The following PARD3 variants were observed in gnomAD, a reference collection of about 807,000 sequenced individuals.
The protein encoded by PARD3 is par-3 family cell polarity regulator.
PARD3 carries 75 observed loss-of-function variants against 155.4 expected under a neutral mutation model. The observed-to-expected ratio is 0.48, with a 90% CI of 0.40 to 0.58. PARD3 has a LOEUF of 0.58. Ranked by LOEUF, PARD3 falls within the 20% of genes least tolerant of loss-of-function variation. The pLI, the probability that PARD3 is intolerant of heterozygous loss-of-function variation, is 0.00. For missense variants in PARD3, 1,642 were observed against 1,721.7 expected, an observed-to-expected ratio of 0.95 and a Z score of 0.82; for synonymous variants, 576 against 610.5, an observed-to-expected ratio of 0.94 and a Z score of 0.83.
chr10:34,630,379 T>C (rs537856442), intron 2 of PARD3, among the ~76,000 whole-genome samples: 3 of 151,840 alleles, frequency 2.0e-5, no homozygotes, highest in East Asian at 3.9e-4. Flanking sequence ...CAAACACCCA[T>C]GACCAACTAT....
chr10:34,314,587 T>G (rs1000366181), intron 20 of PARD3, among the ~76,000 whole-genome samples: 2 of 152,164 alleles, frequency 1.3e-5, no homozygotes, highest in African/African-American at 4.8e-5. Flanking sequence ...GTTGCTCTGC[T>G]GGGAGAAGAA....
intron 22 of PARD3, among the ~76,000 whole-genome samples, chr10:34,195,175 C>T (rs888947148): frequency 2.0e-5 from 3 of 152,170 alleles, no homozygotes; most frequent in African/African-American, 4.8e-5. Flanking sequence ...ACAATTAATC[C>T]AATGTTTATG....
At chr10:34,472,996 C>G (rs999870738) in intron 3 of PARD3, among the ~76,000 whole-genome samples, 7 of 152,002 alleles carry the variant, frequency 4.6e-5, no homozygotes, top group Admixed American at 2.0e-4. Flanking sequence ...CTGTAGCTCT[C>G]GAAATAAAAT....
At chr10:34,391,282 C>T (rs1345328512) in intron 7 of PARD3, among the ~76,000 whole-genome samples, 1 of 151,658 alleles carries the variant, frequency 6.6e-6, no homozygotes, top group Non-Finnish European at 1.5e-5. Flanking sequence ...CACATAGAGA[C>T]ACAGTGTACT....
At chr10:34,303,091 G>A (rs1457718944) in intron 20 of PARD3, among the ~76,000 whole-genome samples, 1 of 148,676 alleles carries the variant, frequency 6.7e-6, no homozygotes, top group Admixed American at 6.7e-5. Context: ...AAATCCACCT[G>A]CCCATCATTA....
At chr10:34,494,841 C>T (rs548663166) in intron 3 of PARD3, among the ~76,000 whole-genome samples, 2 of 152,266 alleles carry the variant, frequency 1.3e-5, no homozygotes, top group East Asian at 3.9e-4. Context: ...CTGCATCACA[C>T]TTCACAGATC....
chr10:34,389,310 G>T (rs12262940), intron 7 of PARD3, among the ~76,000 whole-genome samples: 2,195 of 144,316 alleles, frequency 0.015, 58 homozygotes, highest in African/African-American at 0.054. Flanking sequence ...TTGAAATGCT[G>T]CTTCTTTGTA....
At chr10:34,154,950 A>C (rs1403500324) in intron 22 of PARD3, among the ~76,000 whole-genome samples, 4 of 152,240 alleles carry the variant, frequency 2.6e-5, no homozygotes, top group Admixed American at 2.0e-4. Flanking sequence ...ATTGTTGAGA[A>C]TACAGAGGTG....
chr10:34,511,482 A>C (rs1297564429), intron 3 of PARD3, among the ~76,000 whole-genome samples: 1 of 152,146 alleles, frequency 6.6e-6, no homozygotes, highest in Non-Finnish European at 1.5e-5. Flanking sequence ...TCTGGAGAGG[A>C]CCTTCTTACT....
In PARD3 at chr10:34,317,191, T is replaced by C; in HGVS notation, c.2981A>G (p.Lys994Arg). 6.2e-7 allele frequency: 1 copy of C among 1,612,672 alleles called. No homozygotes were observed. The highest frequency in any genetic ancestry group is 8.5e-7 in the Non-Finnish European group (1 of 1,179,350). Residue 994 changes from lysine to arginine, a missense_variant, in exon 20 of 25, where the codon AAA becomes AGA. Physicochemically the swap from Lys to Arg is conservative, Grantham distance 26. Coordinates refer to ENST00000374788, the MANE Select transcript of PARD3 (RefSeq NM_001184785.2). ...CTTATCTCTATCTTTCTTCTTTTCT[T>C]TTCCAGTTTTATCCTTTTTTCTATC... Reference protein sequence around the residue: ...KTDRKKDKTGKEKKKDRDKEK... With the variant: ...KTDRKKDKTGREKKKDRDKEK...
At chr10:34,236,843 T>A (rs919331657) in intron 22 of PARD3, among the ~76,000 whole-genome samples, 5 of 152,152 alleles carry the variant, frequency 3.3e-5, no homozygotes, top group Admixed American at 3.3e-4. Flanking sequence ...ATCAAGGGAG[T>A]GCAGGGGGAG....
Position 34,696,305 on chromosome 10 carries a change from G to A in PARD3, c.222+13C>T, listed in dbSNP as rs769325369. ...AATGCATTCAGAACAGGTTCCCCAG[G>A]ACCTGAACTCACTCTGTCTTTATCG... On this transcript the variant is annotated intron_variant, in intron 2 of 24. Transcript: ENST00000374788. 99 of 1,519,980 alleles carry A rather than the reference G, an allele frequency of 6.5e-5. No individual in the cohort carries two copies. Among genetic ancestry groups the A allele is most frequent in the Non-Finnish European group, 8.1e-5 (89 of 1,096,930 alleles). The allele number at this position is 1,519,980 out of a possible 1,614,324, so 94.2% of individuals were successfully genotyped here. A position where few individuals can be genotyped will look rare whatever the true frequency, so the allele number is the denominator to read the frequency against.
chr10:34,403,324 C>T (rs1844099981), intron 5 of PARD3, among the ~76,000 whole-genome samples: 1 of 152,010 alleles, frequency 6.6e-6, no homozygotes. Flanking sequence ...TTTACCAAGC[C>T]ATCTATATTA....
intron 2 of PARD3, among the ~76,000 whole-genome samples, chr10:34,532,868 A>G (rs1375867223): frequency 2.0e-5 from 3 of 152,202 alleles, no homozygotes; most frequent in African/African-American, 7.2e-5. Flanking sequence ...ACTTAACAAC[A>G]GGGATACATT....
chr10:34,414,837 T>G (rs181644981), intron 5 of PARD3, among the ~76,000 whole-genome samples: 1 of 151,274 alleles, frequency 6.6e-6, no homozygotes, highest in Non-Finnish European at 1.5e-5. Context: ...ATAAAAAAAA[T>G]TAAAAAGCAA....
intron 1 of PARD3, among the ~76,000 whole-genome samples, chr10:34,701,506 C>A (rs2094278767): frequency 6.6e-6 from 1 of 152,166 alleles, no homozygotes; most frequent in Non-Finnish European, 1.5e-5. Context: ...CCCAAGGTAA[C>A]TGTGGGGAAA....
intron 22 of PARD3, among the ~76,000 whole-genome samples, chr10:34,247,270 G>T (rs1954015229): frequency 6.6e-6 from 1 of 152,208 alleles, no homozygotes; most frequent in Non-Finnish European, 1.5e-5. Context: ...GGGAGGCCAA[G>T]GTGGGTGGAT....
chr10:34,557,132 A>C (rs1247521136), intron 2 of PARD3, among the ~76,000 whole-genome samples: 1 of 152,132 alleles, frequency 6.6e-6, no homozygotes, highest in African/African-American at 2.4e-5. Context: ...TATTGACTCC[A>C]TGATCTCTTT....
intron 2 of PARD3, among the ~76,000 whole-genome samples, chr10:34,678,891 CTT>C (rs1039379747): frequency 3.3e-5 from 5 of 151,968 alleles, no homozygotes; most frequent in African/African-American, 1.2e-4. Flanking sequence ...AAGTGGCTCT[CTT>C]GAGGTTCAAT....
Sources: gnomAD v4.1 joint callset for allele counts (sites outside exome capture counted in the v4.1 genomes callset) on GRCh38, gnomAD v4.1.1 for gene constraint, MANE v1.5 for transcripts, NCBI Gene and HGNC (gene_info 2026-07-23, HGNC 2026-07-21) for gene names.